The following GRIK3 variants were observed in gnomAD, a reference collection of about 807,000 sequenced individuals.
The protein encoded by GRIK3 is glutamate receptor ionotropic, kainate 3.
A neutral mutation model predicts 102.5 loss-of-function variants in GRIK3; 29 were observed. The observed-to-expected ratio is 0.28, with a 90% CI of 0.21 to 0.39. The LOEUF is 0.39. Ranked by LOEUF, GRIK3 falls within the 10% of genes least tolerant of loss-of-function variation. The probability of loss-of-function intolerance (pLI) is 1.00; values close to 1 mark genes in which losing one functional copy is unlikely to be tolerated. For synonymous variants in GRIK3, 511 were observed against 504.9 expected (o/e 1.01, Z -0.16); for missense variants, 908 against 1,252.4 (o/e 0.73, Z 4.15).
chr1:36,823,994 C>T (rs950123587), intron 11 of GRIK3, among the ~76,000 whole-genome samples: 1 of 152,066 alleles, frequency 6.6e-6, no homozygotes, highest in Non-Finnish European at 1.5e-5. Context: ...GGGTGTTGGG[C>T]GAGGTGACAA....
intron 13 of GRIK3, among the ~76,000 whole-genome samples, chr1:36,810,535 C>A (rs912817900): frequency 2.0e-5 from 3 of 152,190 alleles, no homozygotes; most frequent in African/African-American, 7.2e-5. Context: ...GATACTTAAT[C>A]TTGAGAATTT....
At chr1:36,966,474 T>C (rs1163940422) in intron 1 of GRIK3, among the ~76,000 whole-genome samples, 2 of 152,096 alleles carry the variant, frequency 1.3e-5, no homozygotes, top group Admixed American at 6.5e-5. Context: ...CAGGGACAGC[T>C]CCAGCAAGGT....
At chr1:36,973,736 C>T (rs1642167944) in intron 1 of GRIK3, among the ~76,000 whole-genome samples, 1 of 151,998 alleles carries the variant, frequency 6.6e-6, no homozygotes, top group Admixed American at 6.6e-5. Context: ...GCCTAGACAT[C>T]ACTTCTTTAG....
intron 1 of GRIK3, among the ~76,000 whole-genome samples, chr1:36,974,282 T>A (rs1642173082): frequency 6.6e-6 from 1 of 152,310 alleles, no homozygotes; most frequent in South Asian, 2.1e-4. Context: ...TGGCCATTAC[T>A]TTCAATGACA....
At chr1:36,902,138 T>C (rs1373234665) in intron 1 of GRIK3, among the ~76,000 whole-genome samples, 2 of 152,212 alleles carry the variant, frequency 1.3e-5, no homozygotes, top group Non-Finnish European at 2.9e-5. Context: ...TCAATTATTT[T>C]CAAGATGTGA....
intron 7 of GRIK3, among the ~76,000 whole-genome samples, chr1:36,855,262 C>A (rs900790254): frequency 1.3e-5 from 2 of 152,192 alleles, no homozygotes; most frequent in Non-Finnish European, 2.9e-5. Context: ...CCTAACCACT[C>A]CGAGCCATGC....
rs1642747330 is a variant in GRIK3 at position 36,825,623 on chromosome 1, A to G, written c.1734T>C (p.Cys578=). Residue 578 remains cysteine, a synonymous_variant, in exon 11 of 16, where the codon TGT becomes TGC. Transcript: ENST00000373091. Reference sequence around the variant, plus strand: ...CTTACCTGGCGATGACGAAGAGGACACAGCTGACCCCCAGGTAGGCGAGGA... The same window carrying G: ...CTTACCTGGCGATGACGAAGAGGACGCAGCTGACCCCCAGGTAGGCGAGGA... The part of the protein sequence containing the change: ...YVLLAYLGVS[C]VLFVIARFSP... The G allele has an allele frequency of 6.3e-7, 1 of 1,596,174 alleles. No individual in the cohort carries two copies. Among genetic ancestry groups the G allele is most frequent in the East Asian group, 2.2e-5 (1 of 44,696 alleles).
intron 11 of GRIK3, among the ~76,000 whole-genome samples, chr1:36,823,472 C>CAAAAAAAAAAAAAAAAA (rs71053954): frequency 2.6e-5 from 1 of 38,098 alleles, no homozygotes; most frequent in African/African-American, 8.5e-5. Context: ...GACTCCGTCT[C>CAAAAAAAAAAAAAAAAA]AAAAAAAAAA....
chr1:36,804,580 C>T (rs1321581431), intron 15 of GRIK3: 3 of 309,018 alleles, frequency 9.7e-6, no homozygotes, highest in African/African-American at 6.4e-5. Context: ...GTAGAGAGAA[C>T]AGTATAATGA....
At position 36,955,294 on chromosome 1, in the gene GRIK3, C is replaced by T. The variant is rs367962554; in HGVS notation, c.116-64198G>A. Reference sequence around the variant, plus strand: ...AGGACAGGAAGGGGCAGGTGTGGGGCGGTGGGGTACAGGGGCTGGGCCTGA... The same window carrying T: ...AGGACAGGAAGGGGCAGGTGTGGGGTGGTGGGGTACAGGGGCTGGGCCTGA... On this transcript the variant is annotated intron_variant, in intron 1 of 15. Coordinates refer to ENST00000373091, the MANE Select transcript of GRIK3 (RefSeq NM_000831.4). 3.0e-4 allele frequency among the ~76,000 whole-genome samples: 46 copies of T among 152,236 alleles called. No individual in the cohort carries two copies. The East Asian group carries it at 8.3e-3, about 27-fold the overall frequency.
At chr1:36,886,332 G>A (rs866683803) in intron 2 of GRIK3, among the ~76,000 whole-genome samples, 7 of 152,272 alleles carry the variant, frequency 4.6e-5, no homozygotes, top group South Asian at 4.2e-4. Flanking sequence ...AAGCAATGAC[G>A]AGGACTTCTG....
intron 1 of GRIK3, among the ~76,000 whole-genome samples, chr1:36,948,103 T>C (rs186897690): frequency 6.6e-6 from 1 of 152,312 alleles, no homozygotes; most frequent in African/African-American, 2.4e-5. Context: ...AAGGTTTGTG[T>C]CTCCCTTACT....
intron 1 of GRIK3, among the ~76,000 whole-genome samples, chr1:36,968,583 C>A (rs1642104889): frequency 6.6e-6 from 1 of 152,228 alleles, no homozygotes; most frequent in Non-Finnish European, 1.5e-5. Flanking sequence ...AGCTCCTCCA[C>A]CTCTCTCACA....
intron 10 of GRIK3, among the ~76,000 whole-genome samples, chr1:36,840,758 T>C (rs1640438220): frequency 6.6e-6 from 1 of 152,064 alleles, no homozygotes; most frequent in African/African-American, 2.4e-5. Context: ...AATAAAGAAA[T>C]TGAGCCTTAG....
chr1:36,982,944 G>A (rs1019924959), intron 1 of GRIK3, among the ~76,000 whole-genome samples: 1 of 152,150 alleles, frequency 6.6e-6, no homozygotes, highest in South Asian at 2.1e-4. Context: ...GATCATCTCC[G>A]CGGACAATTA....
intron 1 of GRIK3, among the ~76,000 whole-genome samples, chr1:37,028,594 G>C (rs1642788808): frequency 6.6e-6 from 1 of 152,164 alleles, no homozygotes; most frequent in African/African-American, 2.4e-5. Context: ...CCCAGAGGAG[G>C]ACCAACATAG....
In GRIK3 at chr1:36,872,624, C is replaced by T. The variant is rs756676820; in HGVS notation, c.551-255G>A. 6.6e-5 allele frequency among the ~76,000 whole-genome samples: 10 copies of T among 152,206 alleles called. No homozygotes were observed. The highest frequency in any genetic ancestry group is 3.9e-4 in the East Asian group (2 of 5,194). ...AGGAATACACTTGGGCTTATCAACA[C>T]GTGTGTATATGTAGATTAAGGCCTG... On this transcript the variant is annotated intron_variant, in intron 3 of 15. Coordinates refer to ENST00000373091, the MANE Select transcript of GRIK3 (RefSeq NM_000831.4). The surrounding 1 kb of genome is among the most constrained non-coding windows in gnomAD (Gnocchi z 5.9).
chr1:36,972,553 T>C (rs1005689394), intron 1 of GRIK3, among the ~76,000 whole-genome samples: 2 of 152,172 alleles, frequency 1.3e-5, no homozygotes, highest in African/African-American at 4.8e-5. Flanking sequence ...GGACTTCCCG[T>C]TGCCACTCTT....
intron 9 of GRIK3, among the ~76,000 whole-genome samples, chr1:36,846,668 G>T (rs1344931479): frequency 6.6e-6 from 1 of 152,206 alleles, no homozygotes; most frequent in African/African-American, 2.4e-5. Context: ...TTCAGCCACA[G>T]TGGCTGGGGC....
Sources: allele counts gnomAD v4.1 joint callset (sites outside exome capture counted in the v4.1 genomes callset), GRCh38; gene constraint gnomAD v4.1.1; non-coding constraint Gnocchi (gnomAD v3.1); transcripts MANE v1.5; gene names NCBI Gene and HGNC (gene_info 2026-07-23, HGNC 2026-07-21).